The following CNBP variants were observed in gnomAD, a reference collection of about 807,000 sequenced individuals.
CNBP encodes the protein cellular nucleic acid-binding protein.
In CNBP, 6 loss-of-function variants were observed where a neutral mutation model predicts 21.2. The ratio of observed to expected loss-of-function variants is 0.28; its 90% CI spans 0.16 to 0.56. The LOEUF (loss-of-function observed/expected upper bound fraction) is 0.56, where lower values mean the gene tolerates loss of function less well. Ranked by LOEUF, CNBP falls within the 20% of genes least tolerant of loss-of-function variation. CNBP has a pLI of 0.93. For missense variants in CNBP, 112 were observed against 233.1 expected, an observed-to-expected ratio of 0.48 and a Z score of 3.38; for synonymous variants, 61 against 74.9, an observed-to-expected ratio of 0.81 and a Z score of 0.96.
Position 129,168,698 on chromosome 3 carries a change from G to C in CNBP, c.*1755C>G, listed in dbSNP as rs544292131. On this transcript the variant is annotated 3_prime_UTR_variant, in exon 5 of 5. Coordinates refer to ENST00000422453, the MANE Select transcript of CNBP (RefSeq NM_003418.5). ...CAGAATCGGCCAGACACGGTGGCTCGCACCTGTAACACTAGCACTTTGGGG... is the reference window on the plus strand; with the variant it reads ...CAGAATCGGCCAGACACGGTGGCTCCCACCTGTAACACTAGCACTTTGGGG... 1.1e-4 allele frequency among the ~76,000 whole-genome samples: 17 copies of C among 148,068 alleles called. No homozygotes were observed. Among genetic ancestry groups the C allele is most frequent in the African/African-American group, 2.5e-4 (10 of 40,280 alleles).
intron 1 of CNBP, among the ~76,000 whole-genome samples, chr3:129,177,495 A>T (rs1937990868): frequency 6.6e-6 from 1 of 152,224 alleles, no homozygotes; most frequent in African/African-American, 2.4e-5. Flanking sequence ...CTTAATAGAT[A>T]TTCAATTTAA....
At chr3:129,175,432 CTTT>C (rs369005126) in intron 1 of CNBP, among the ~76,000 whole-genome samples, 102,178 of 122,138 alleles carry the variant, frequency 0.84, 42,703 homozygotes, top group Non-Finnish European at 0.92. Context: ...AGATGTTTTG[CTTT>C]TTTTTTTTTT....
chr3:129,172,608 A>AGGCAGG (rs1560034584), intron 1 of CNBP, among the ~76,000 whole-genome samples: 1 of 31,864 alleles, frequency 3.1e-5, no homozygotes, highest in Non-Finnish European at 1.0e-4. Context: ...AGGCAGGCAG[A>AGGCAGG]CAGGCAGACA....
intron 1 of CNBP, among the ~76,000 whole-genome samples, chr3:129,181,141 G>A (rs976038751): frequency 6.7e-6 from 1 of 149,352 alleles, no homozygotes; most frequent in Non-Finnish European, 1.5e-5. Flanking sequence ...TTGGGAGGCT[G>A]AGGCAGGAGA....
At position 129,169,236 on chromosome 3, in the gene CNBP, G is replaced by A. The variant is rs991000626; in HGVS notation, c.*1217C>T. ...TTGAACCCGGGAGGTGGAGGTTGCAGTGAGCCAAGCCTGCACTCCAGCCTG... is the reference window on the plus strand; with the variant it reads ...TTGAACCCGGGAGGTGGAGGTTGCAATGAGCCAAGCCTGCACTCCAGCCTG... On this transcript the variant is annotated 3_prime_UTR_variant, in exon 5 of 5. Transcript: ENST00000422453. Among the ~76,000 whole-genome samples the A allele has an allele frequency of 7.9e-5, 12 of 152,296 alleles. No individual in the cohort carries two copies. The South Asian group carries it at 1.7e-3, about 21-fold the overall frequency.
intron 1 of CNBP, among the ~76,000 whole-genome samples, chr3:129,177,882 G>A (rs761834903): frequency 2.0e-4 from 30 of 152,144 alleles, no homozygotes; most frequent in Non-Finnish European, 3.8e-4. Flanking sequence ...GGTCTGGGCC[G>A]GGCGGGGTGG....
rs538709680 is a variant in CNBP, at chr3:129,169,231, T to C, written c.*1222A>G. Among the ~76,000 whole-genome samples, 93 of 151,228 alleles carry C rather than the reference T, an allele frequency of 6.1e-4. No individual in the cohort carries two copies. Among genetic ancestry groups the C allele is most frequent in the Non-Finnish European group, 1.1e-3 (73 of 67,744 alleles). On this transcript the variant is annotated 3_prime_UTR_variant, in exon 5 of 5. Coordinates refer to ENST00000422453, the MANE Select transcript of CNBP (RefSeq NM_003418.5). ...ATTGCTTGAACCCGGGAGGTGGAGG[T>C]TGCAGTGAGCCAAGCCTGCACTCCA...
chr3:129,171,958 T>C (rs1326698994), intron 1 of CNBP, among the ~76,000 whole-genome samples, 187 bp from the exon 2 acceptor site: 1 of 151,358 alleles, frequency 6.6e-6, no homozygotes, highest in Non-Finnish European at 1.5e-5. Flanking sequence ...GGTGGGTGGA[T>C]CATGAGATCG....
At chr3:129,177,239 A>C (rs891243741) in intron 1 of CNBP, among the ~76,000 whole-genome samples, 5 of 152,208 alleles carry the variant, frequency 3.3e-5, no homozygotes, top group Admixed American at 3.3e-4. Context: ...CACTTACTGA[A>C]GGTTCCTTGG....
chr3:129,181,050 G>A (rs1035655134), intron 1 of CNBP, among the ~76,000 whole-genome samples: 7 of 151,470 alleles, frequency 4.6e-5, no homozygotes, highest in Non-Finnish European at 1.0e-4. Flanking sequence ...GACCAGCCTG[G>A]CCAACATGGT....
intron 1 of CNBP, among the ~76,000 whole-genome samples, chr3:129,175,562 TG>T (rs34549850): frequency 6.6e-6 from 1 of 151,250 alleles, no homozygotes; most frequent in South Asian, 2.1e-4. Flanking sequence ...CCCACATAGC[TG>T]GGACTACAGG....
In CNBP at chr3:129,168,697, C is replaced by A. The variant is rs190331793; in HGVS notation, c.*1756G>T. ...TCAGAATCGGCCAGACACGGTGGCT[C>A]GCACCTGTAACACTAGCACTTTGGG... On this transcript the variant is annotated 3_prime_UTR_variant, in exon 5 of 5. Coordinates refer to ENST00000422453, the MANE Select transcript of CNBP (RefSeq NM_003418.5). Among the ~76,000 whole-genome samples the A allele has an allele frequency of 2.0e-5, 3 of 149,642 alleles. No individual in the cohort carries two copies. The South Asian group carries it at 6.3e-4, about 32-fold the overall frequency.
intron 1 of CNBP, among the ~76,000 whole-genome samples, chr3:129,182,881 A>G (rs370130038): frequency 6.6e-6 from 1 of 152,172 alleles, no homozygotes; most frequent in African/African-American, 2.4e-5. Flanking sequence ...AAAAGCTCCC[A>G]AGTCTTCCAG....
intron 1 of CNBP, among the ~76,000 whole-genome samples, chr3:129,174,515 A>G (rs966991012): frequency 1.3e-5 from 2 of 151,858 alleles, no homozygotes; most frequent in Admixed American, 6.6e-5. Flanking sequence ...AAAATGCAAA[A>G]TTAGCCAGGC....
chr3:129,172,947 G>A (rs1001705604), intron 1 of CNBP, among the ~76,000 whole-genome samples: 18 of 152,236 alleles, frequency 1.2e-4, no homozygotes, highest in South Asian at 2.1e-4. Flanking sequence ...AGCACCTGAC[G>A]TAGTACCTAG....
In CNBP at chr3:129,183,745, G is replaced by A. The variant is rs372813449; in HGVS notation, c.-15+31C>T. 221 of 152,988 alleles carry A rather than the reference G, an allele frequency of 1.4e-3. 1 individual carries two copies. The highest frequency in any genetic ancestry group is 6.7e-3 in the Middle Eastern group (2 of 300). The allele number at this position is 152,988 out of a possible 1,614,324, so 9.5% of individuals were successfully genotyped here. Reference sequence around the variant, plus strand: ...CAGACCCGACCCGCACTGCGGCTCCGTCAGCGCCGGGCCCCTCCCCCAGCC... The same window carrying A: ...CAGACCCGACCCGCACTGCGGCTCCATCAGCGCCGGGCCCCTCCCCCAGCC... On this transcript the variant is annotated intron_variant, in intron 1 of 4. Transcript: ENST00000422453.
rs1173794078 is a variant in CNBP at position 129,172,616 on chromosome 3, ACAGGCAGC to A, written c.-14-853_-14-846del. On this transcript the variant is annotated intron_variant, in intron 1 of 4. Coordinates refer to ENST00000422453, the MANE Select transcript of CNBP (RefSeq NM_003418.5). ...GGCAGGCAGGCAGGCAGACAGGCAGACAGGCAGCCAGGCAGGCAGGCAGGCAGGCAGGC... is the reference window on the plus strand; with the variant it reads ...GGCAGGCAGGCAGGCAGACAGGCAGACAGGCAGGCAGGCAGGCAGGCAGGC... Among the ~76,000 whole-genome samples, 8 of 49,476 alleles carry A rather than the reference ACAGGCAGC, an allele frequency of 1.6e-4. No individual in the cohort carries two copies. In the East Asian group the frequency reaches 4.2e-3, roughly 26 times the overall value. The allele number at this position is 49,476 out of a possible 152,430, so 32.5% of individuals were successfully genotyped here. A position where few individuals can be genotyped will look rare whatever the true frequency, so the allele number is the denominator to read the frequency against.
chr3:129,172,665 CAGACAGACAGACAGACAGACAGACAG>C lies in CNBP; in HGVS notation c.-14-920_-14-895del, dbSNP rs1350265488. 5.6e-3 allele frequency among the ~76,000 whole-genome samples: 524 copies of C among 93,398 alleles called. 4 individuals carry two copies. Among genetic ancestry groups the C allele is most frequent in the African/African-American group, 0.017 (401 of 24,282 alleles). The allele number at this position is 93,398 out of a possible 152,430, so 61.3% of individuals were successfully genotyped here. A position where few individuals can be genotyped will look rare whatever the true frequency, so the allele number is the denominator to read the frequency against. ...GCAGGCAGGCAGGCAGGCAGACAGACAGACAGACAGACAGACAGACAGACAGACAGACACACACACACACACACACA... is the reference window on the plus strand; with the variant it reads ...GCAGGCAGGCAGGCAGGCAGACAGACACAGACACACACACACACACACACA... On this transcript the variant is annotated intron_variant, in intron 1 of 4. Transcript: ENST00000422453.
At chr3:129,181,446 G>T (rs1300308638) in intron 1 of CNBP, among the ~76,000 whole-genome samples, 3 of 150,880 alleles carry the variant, frequency 2.0e-5, no homozygotes, top group Admixed American at 6.6e-5. Context: ...AAGGTCAGGA[G>T]TTCGAGACCA....
Sources: allele counts gnomAD v4.1 joint callset (sites outside exome capture counted in the v4.1 genomes callset), GRCh38; gene constraint gnomAD v4.1.1; transcripts MANE v1.5; gene names NCBI Gene and HGNC (gene_info 2026-07-23, HGNC 2026-07-21).